The following COPG2 variants were observed in gnomAD, a reference collection of about 807,000 sequenced individuals.
The protein encoded by COPG2 is coat protein complex I subunit gamma 2.
In COPG2, 37 loss-of-function variants were observed where a neutral mutation model predicts 46.3. The ratio of observed to expected loss-of-function variants is 0.80; its 90% CI spans 0.61 to 1.05. COPG2 has a LOEUF of 1.05. COPG2 is among the 50% of genes least tolerant of loss of function. The probability of loss-of-function intolerance (pLI) is 0.00; values close to 1 mark genes in which losing one functional copy is unlikely to be tolerated. For missense variants in COPG2, 427 were observed against 387.8 expected, an observed-to-expected ratio of 1.10 and a Z score of -0.85; for synonymous variants, 159 against 129.7, an observed-to-expected ratio of 1.23 and a Z score of -1.53.
intron 15 of COPG2, among the ~76,000 whole-genome samples, 156 bp downstream of exon 15, chr7:130,552,199 C>T (rs1236186273): frequency 3.3e-5 from 5 of 152,138 alleles, no homozygotes; most frequent in African/African-American, 1.2e-4. Context: ...TACATAATTA[C>T]TAAAAAGAGA....
chr7:130,512,544 C>G (rs1799612647), intron 20 of COPG2, among the ~76,000 whole-genome samples: 1 of 152,014 alleles, frequency 6.6e-6, no homozygotes, highest in Non-Finnish European at 1.5e-5. Flanking sequence ...TTTTGGGAGG[C>G]TGAGGCTGGC....
chr7:130,517,283 T>C (rs1016726053), intron 20 of COPG2, among the ~76,000 whole-genome samples: 3 of 152,210 alleles, frequency 2.0e-5, no homozygotes, highest in Middle Eastern at 3.4e-3. Flanking sequence ...AGACAAAAGT[T>C]AAGACTAGAT....
chr7:130,624,566 C>G (rs1456947450), intron 5 of COPG2, among the ~76,000 whole-genome samples: 1 of 152,058 alleles, frequency 6.6e-6, no homozygotes, highest in Non-Finnish European at 1.5e-5. Context: ...TCCCTCACCC[C>G]CTCCTAACCT....
chr7:130,610,694 C>A, intron 9 of COPG2: 1 of 607,080 alleles, frequency 1.6e-6, no homozygotes, highest in Non-Finnish European at 3.0e-6. Context: ...ATCTATATAT[C>A]TTATGATCAA....
chr7:130,529,784 T>C (rs1295389619), intron 20 of COPG2, among the ~76,000 whole-genome samples: 13 of 152,110 alleles, frequency 8.5e-5, no homozygotes, highest in Non-Finnish European at 1.0e-4. Context: ...TCCCAGATTG[T>C]AGGTAGAAGT....
chr7:130,584,700 C>T (rs1221126740), intron 9 of COPG2, among the ~76,000 whole-genome samples: 6 of 151,910 alleles, frequency 3.9e-5, no homozygotes, highest in Admixed American at 6.6e-5. Flanking sequence ...GAACTCAACC[C>T]CTTTTACAAT....
At chr7:130,560,907 A>G (rs1182518893) in intron 12 of COPG2, 126 bp downstream of exon 12, 1 of 396,488 alleles carries the variant, frequency 2.5e-6, no homozygotes, top group Admixed American at 4.4e-5. Flanking sequence ...ATAACTATGA[A>G]AGAAAAAAAT....
intron 11 of COPG2, 121 bp from the exon 12 acceptor site, chr7:130,561,342 A>G: frequency 5.0e-6 from 2 of 396,904 alleles, no homozygotes; most frequent in East Asian, 7.1e-5. Context: ...TAATTGCTTC[A>G]AAAACAAAAA....
At chr7:130,565,696 G>A (rs1192308225) in intron 9 of COPG2, among the ~76,000 whole-genome samples, 1 of 151,676 alleles carries the variant, frequency 6.6e-6, no homozygotes, top group Non-Finnish European at 1.5e-5. Context: ...TTAAAGGGAA[G>A]TACAACAAGA....
In COPG2 at chr7:130,650,178, T is replaced by A. The variant is rs557786696; in HGVS notation, c.323+2691A>T. 3.3e-5 allele frequency among the ~76,000 whole-genome samples: 5 copies of A among 152,232 alleles called. No individual in the cohort carries two copies. In the South Asian group the frequency reaches 1.0e-3, roughly 32 times the overall value. On this transcript the variant is annotated intron_variant, in intron 5 of 23. Coordinates refer to ENST00000425248, the MANE Select transcript of COPG2 (RefSeq NM_012133.6). ...ACTGACGCCTCTTCTGCATCCCACT[T>A]CCATTTTTAAGAAGTGTAGTCCTTA...
At chr7:130,609,387 C>A (rs892137477) in intron 9 of COPG2, among the ~76,000 whole-genome samples, 1 of 152,160 alleles carries the variant, frequency 6.6e-6, no homozygotes, top group African/African-American at 2.4e-5. Flanking sequence ...CCTGCACAAG[C>A]GCTCTCTCTC....
Position 130,607,240 on chromosome 7 carries a change from C to CATAAATAA in COPG2, c.737+3705_737+3712dup, listed in dbSNP as rs5887469. Among the ~76,000 whole-genome samples, 755 of 145,950 alleles carry CATAAATAA rather than the reference C, an allele frequency of 5.2e-3. 2 individuals carry two copies. Among genetic ancestry groups the CATAAATAA allele is most frequent in the African/African-American group, 0.011 (443 of 39,260 alleles). ...TTCACAACAGAGTGAGAGAGACTGT[C>CATAAATAA]ATAAATAAATAAATAAATAAATAAA... On this transcript the variant is annotated intron_variant, in intron 9 of 23. Coordinates refer to ENST00000425248, the MANE Select transcript of COPG2 (RefSeq NM_012133.6).
intron 20 of COPG2, among the ~76,000 whole-genome samples, chr7:130,546,343 T>C (rs1793443239): frequency 1.3e-5 from 2 of 152,262 alleles, no homozygotes; most frequent in Admixed American, 6.5e-5. Context: ...CTAGTGGACA[T>C]ATTTCAGACA....
chr7:130,519,755 G>C (rs1799709923), intron 20 of COPG2, among the ~76,000 whole-genome samples: 1 of 152,196 alleles, frequency 6.6e-6, no homozygotes, highest in African/African-American at 2.4e-5. Context: ...TCAATAAATG[G>C]GACGTTGTAT....
chr7:130,518,900 G>A (rs1290078661), intron 20 of COPG2, among the ~76,000 whole-genome samples: 2 of 151,904 alleles, frequency 1.3e-5, no homozygotes, highest in Non-Finnish European at 2.9e-5. Context: ...CAGCTACTCG[G>A]GAGGCTGAGG....
intron 20 of COPG2, among the ~76,000 whole-genome samples, chr7:130,544,958 T>C (rs1793414393): frequency 6.6e-6 from 1 of 152,004 alleles, no homozygotes; most frequent in African/African-American, 2.4e-5. Context: ...TTTTTATACA[T>C]TTATAAAGTA....
At chr7:130,583,138 C>T (rs1370400550) in intron 9 of COPG2, among the ~76,000 whole-genome samples, 1 of 151,064 alleles carries the variant, frequency 6.6e-6, no homozygotes, top group Non-Finnish European at 1.5e-5. Flanking sequence ...AAAATGTGGC[C>T]CATATACACC....
intron 20 of COPG2, among the ~76,000 whole-genome samples, chr7:130,529,833 C>T (rs1168561156): frequency 6.6e-6 from 1 of 152,168 alleles, no homozygotes; most frequent in African/African-American, 2.4e-5. Flanking sequence ...GGACATAATG[C>T]GATGGAGACA....
intron 5 of COPG2, among the ~76,000 whole-genome samples, chr7:130,636,086 G>A (rs1330431336): frequency 6.6e-6 from 1 of 152,102 alleles, no homozygotes; most frequent in Non-Finnish European, 1.5e-5. Context: ...TATGATTTCT[G>A]TTCTTTTGCA....
Sources: gnomAD v4.1 joint callset for allele counts (sites outside exome capture counted in the v4.1 genomes callset) on GRCh38, gnomAD v4.1.1 for gene constraint, MANE v1.5 for transcripts, NCBI Gene and HGNC (gene_info 2026-07-23, HGNC 2026-07-21) for gene names.